Variants in TDP1 observed in about 807,000 individuals in gnomAD.
TDP1 encodes the protein tyrosyl-DNA phosphodiesterase 1, also known as tyr-DNA phosphodiesterase 1.
TDP1 carries 64 observed loss-of-function variants against 81.5 expected under a neutral mutation model. The observed-to-expected ratio is 0.79, with a 90% CI of 0.64 to 0.97. TDP1 has a LOEUF of 0.97. Among genes scored for constraint, TDP1 ranks in the 50% least tolerant of loss-of-function variants. TDP1 has a pLI of 0.00. For synonymous variants in TDP1, 256 were observed against 264.3 expected, an observed-to-expected ratio of 0.97 and a Z score of 0.30; for missense variants, 723 against 743.8, an observed-to-expected ratio of 0.97 and a Z score of 0.33.
intron 14 of TDP1, among the ~76,000 whole-genome samples, chr14:90,016,724 T>C (rs1885356030): frequency 6.6e-6 from 1 of 151,768 alleles, no homozygotes; most frequent in South Asian, 2.1e-4. Flanking sequence ...CTTTAAGAAA[T>C]ACACACACAC....
At chr14:89,977,549 C>T (rs995009069) in intron 7 of TDP1, among the ~76,000 whole-genome samples, 6 of 152,222 alleles carry the variant, frequency 3.9e-5, no homozygotes, top group Admixed American at 1.3e-4. Context: ...CCACCCGCCT[C>T]GGCCTCCCAA....
chr14:90,007,044 T>C (rs192308786), intron 14 of TDP1, among the ~76,000 whole-genome samples: 8 of 152,294 alleles, frequency 5.3e-5, no homozygotes, highest in Non-Finnish European at 8.8e-5. Flanking sequence ...GCTTTCAAAA[T>C]TAGTCATTGT....
At chr14:89,989,696 T>C in intron 11 of TDP1, 21 bp from the exon 12 acceptor site, 1 of 1,591,194 alleles carries the variant, frequency 6.3e-7, no homozygotes, top group Non-Finnish European at 8.6e-7. Flanking sequence ...CCGAGTTTTA[T>C]TGTTTTCCTC....
rs754090295 is a variant in TDP1, at chr14:89,971,255, ACAT to A, written c.742_744del (p.Ile248del). 3.1e-6 allele frequency: 5 copies of A among 1,614,054 alleles called. No homozygotes were observed. The East Asian group carries it at 8.9e-5, about 29-fold the overall frequency. On this transcript the variant is annotated inframe_deletion, in exon 6 of 17. Transcript: ENST00000335725. ...CATGCCCAGGCCAAGCCTTACGAGA[ACAT>A]CTCTCTCTGCCAGGTAAGCCACTTA...
At chr14:89,995,826 A>G (rs552898129) in intron 14 of TDP1, among the ~76,000 whole-genome samples, 2 of 152,278 alleles carry the variant, frequency 1.3e-5, no homozygotes, top group African/African-American at 2.4e-5. Flanking sequence ...CTCTTTCACT[A>G]TTCCCTCAAA....
chr14:90,012,910 G>A (rs181864783), intron 14 of TDP1, among the ~76,000 whole-genome samples: 7 of 152,338 alleles, frequency 4.6e-5, no homozygotes, highest in African/African-American at 9.6e-5. Context: ...TTGGATCAGC[G>A]TGACCTGGAT....
intron 15 of TDP1, chr14:90,032,596 G>A: frequency 3.5e-6 from 1 of 283,990 alleles, no homozygotes; most frequent in Non-Finnish European, 5.3e-6. Context: ...TAGAGTTCTT[G>A]GAATAAACCT....
intron 3 of TDP1, among the ~76,000 whole-genome samples, chr14:89,965,271 C>T (rs1285159681): frequency 6.6e-6 from 1 of 152,056 alleles, no homozygotes. Flanking sequence ...ATGAGCCAGT[C>T]TTAATTCTCA....
intron 14 of TDP1, among the ~76,000 whole-genome samples, chr14:89,995,982 A>C (rs7149962): frequency 0.12 from 18,679 of 152,226 alleles, 2,723 homozygotes; most frequent in African/African-American, 0.35. Flanking sequence ...GAGACCAATT[A>C]TGTGCTTGAG....
At chr14:89,985,063 T>C in intron 9 of TDP1, 69 bp from the exon 10 acceptor site, 1 of 1,388,084 alleles carries the variant, frequency 7.2e-7, no homozygotes, top group African/African-American at 1.5e-5. Context: ...TCATGTGTAT[T>C]TTGTCATTTT....
At chr14:89,985,236 AT>A (rs757442471) in intron 10 of TDP1, 26 bp downstream of exon 10, 1 of 1,414,492 alleles carries the variant, frequency 7.1e-7, no homozygotes, top group Admixed American at 1.8e-5. Flanking sequence ...CTATTTTAAC[AT>A]TTTTAAAAAA....
Position 89,984,889 on chromosome 14 carries a change from A to T in TDP1, c.1052+206A>T, listed in dbSNP as rs35664925. ...TGACAGCCAGTGAATCCTCATGTTTACCTTAGCCTCCCACTGGGTTACTCT... is the reference window on the plus strand; with the variant it reads ...TGACAGCCAGTGAATCCTCATGTTTTCCTTAGCCTCCCACTGGGTTACTCT... On this transcript the variant is annotated intron_variant, in intron 9 of 16. Coordinates refer to ENST00000335725, the MANE Select transcript of TDP1 (RefSeq NM_018319.4). The T allele has an allele frequency of 0.028, 27,378 of 985,220 alleles. 893 individuals carry two copies. Among genetic ancestry groups the T allele is most frequent in the African/African-American group, 0.15 (8,872 of 57,256 alleles). The allele number at this position is 985,220 out of a possible 1,614,324, so 61.0% of individuals were successfully genotyped here.
intron 15 of TDP1, among the ~76,000 whole-genome samples, chr14:90,028,497 G>A (rs1886906243): frequency 6.6e-6 from 1 of 152,230 alleles, no homozygotes; most frequent in South Asian, 2.1e-4. Flanking sequence ...AATTTCTCAT[G>A]TGTGATATAT....
In TDP1 at chr14:89,985,153, C is replaced by T; in HGVS notation, c.1074C>T (p.Thr358=). ...TTAGTGTTTATCTTATTGGTTCAAC[C>T]CCAGGACGCTTTCAAGGAAGTCAAA... The part of the protein sequence containing the change: ...SETNVYLIGS[T]PGRFQGSQKD... Residue 358 remains threonine, a synonymous_variant, in exon 10 of 17, where the codon ACC becomes ACT. Transcript: ENST00000335725. The T allele has an allele frequency of 6.2e-7, 1 of 1,611,348 alleles. No individual in the cohort carries two copies. The highest frequency in any genetic ancestry group is 8.5e-7 in the Non-Finnish European group (1 of 1,178,632).
chr14:89,984,280 G>C (rs35153003), intron 8 of TDP1: 17,221 of 985,376 alleles, frequency 0.017, 170 homozygotes, highest in Middle Eastern at 0.027. Context: ...GAGGTGGGCA[G>C]AGCCCAGGTC....
intron 14 of TDP1, among the ~76,000 whole-genome samples, chr14:90,012,442 C>G (rs921449917): frequency 3.3e-5 from 5 of 150,930 alleles, no homozygotes; most frequent in African/African-American, 1.2e-4. Context: ...CCCCATAATT[C>G]CCTTCCACAC....
At chr14:89,995,005 A>G (rs1228821871) in intron 14 of TDP1, among the ~76,000 whole-genome samples, 2 of 152,222 alleles carry the variant, frequency 1.3e-5, no homozygotes, top group African/African-American at 4.8e-5. Flanking sequence ...TACTCATTTA[A>G]TATTTGTCAG....
chr14:89,982,382 TCTC>T (rs1284392587), intron 8 of TDP1, among the ~76,000 whole-genome samples: 3 of 152,176 alleles, frequency 2.0e-5, no homozygotes, highest in Non-Finnish European at 2.9e-5. Context: ...CTAAGCCAGT[TCTC>T]CTGAGCTGCC....
At position 89,955,984 on chromosome 14, in the gene TDP1, G is replaced by T. The variant is rs1382210884; in HGVS notation, c.-231+14G>T. 1 of 152,690 alleles carries T rather than the reference G, an allele frequency of 6.5e-6. No homozygotes were observed. Among genetic ancestry groups the T allele is most frequent in the East Asian group, 1.9e-4 (1 of 5,188 alleles). 9.5% of individuals were successfully genotyped at this position (152,690 alleles called of 1,614,324 possible). On this transcript the variant is annotated intron_variant, in intron 1 of 16. Transcript: ENST00000335725. ...TGTGCGCCTCAGGTACGTGTTGGGC[G>T]GCAGTGGGCGCGGACTCGGTGCGGT... is the stretch of plus-strand genomic sequence containing the variant.
Sources: allele counts gnomAD v4.1 joint callset (sites outside exome capture counted in the v4.1 genomes callset), GRCh38; gene constraint gnomAD v4.1.1; transcripts MANE v1.5; gene names NCBI Gene and HGNC (gene_info 2026-07-23, HGNC 2026-07-21).